Variants in HSD17B4 observed in about 807,000 individuals in gnomAD.
HSD17B4 encodes peroxisomal multifunctional enzyme type 2.
HSD17B4 carries 70 observed loss-of-function variants against 101.0 expected under a neutral mutation model. The observed-to-expected ratio is 0.69, with a 90% CI of 0.57 to 0.85. HSD17B4 has a LOEUF of 0.85. Ranked by LOEUF, HSD17B4 falls within the 40% of genes least tolerant of loss-of-function variation. The pLI is 0.00. For synonymous variants in HSD17B4, 347 were observed against 297.1 expected (o/e 1.17, Z -1.73); for missense variants, 984 against 892.4 (o/e 1.10, Z -1.31).
chr5:119,522,183 G>C (rs2126863132), intron 17 of HSD17B4, among the ~76,000 whole-genome samples: 1 of 152,186 alleles, frequency 6.6e-6, no homozygotes, highest in East Asian at 1.9e-4. Context: ...AGAACATGTG[G>C]TGTTTGGTTT....
At chr5:119,498,646 G>A (rs1190027086) in intron 12 of HSD17B4, among the ~76,000 whole-genome samples, 1 of 152,202 alleles carries the variant, frequency 6.6e-6, no homozygotes, top group Admixed American at 6.5e-5. Context: ...GGGAGGCCGA[G>A]GTGGGTGGAT....
intron 2 of HSD17B4, chr5:119,471,729 G>A: frequency 4.2e-6 from 5 of 1,201,886 alleles, no homozygotes; most frequent in Non-Finnish European, 5.8e-6. Context: ...GTTTTTCCAA[G>A]TTATTTGGCA....
rs142136525 is a variant in HSD17B4 at position 119,523,271 on chromosome 5, C to T, written c.1504-1945C>T. Reference sequence around the variant, plus strand: ...ATAGTTTACCTGTATGCAGATTATCCTCCCACCTACTTTTAATATGCAAAA... The same window carrying T: ...ATAGTTTACCTGTATGCAGATTATCTTCCCACCTACTTTTAATATGCAAAA... On this transcript the variant is annotated intron_variant, in intron 17 of 23. Transcript: ENST00000510025. Among the ~76,000 whole-genome samples the T allele has an allele frequency of 5.3e-3, 806 of 152,170 alleles. 11 individuals are homozygous for T. The highest frequency in any genetic ancestry group is 0.018 in the African/African-American group (762 of 41,520).
chr5:119,501,898 G>T, intron 13 of HSD17B4, 143 bp from the exon 14 acceptor site: 2 of 643,104 alleles, frequency 3.1e-6, no homozygotes, highest in South Asian at 2.0e-5. Flanking sequence ...ACATGATTAA[G>T]AAGAAGCCAA....
chr5:119,531,367 G>T lies in HSD17B4; in HGVS notation c.1956G>T (p.Trp652Cys), dbSNP rs775211111. 1.2e-6 allele frequency: 2 copies of T among 1,613,398 alleles called. No homozygotes were observed. Among genetic ancestry groups the T allele is most frequent in the Non-Finnish European group, 1.7e-6 (2 of 1,179,584 alleles). The change falls in exon 22 of 24, where the codon TGG (tryptophan) becomes TGT (cysteine). Residue 652 changes from tryptophan to cysteine, a missense_variant. Trp to Cys is a radical substitution (Grantham distance 215). Coordinates refer to ENST00000510025, the MANE Select transcript of HSD17B4 (RefSeq NM_000414.4). The part of the protein sequence containing the change: ...VVKKVNAVFE[W>C]HITKGGNIGA... Reference sequence around the variant, plus strand: ...AGAAAGTAAATGCTGTATTTGAGTGGCATATAACCAAAGGCGGAAATATTG... The same window carrying T: ...AGAAAGTAAATGCTGTATTTGAGTGTCATATAACCAAAGGCGGAAATATTG...
chr5:119,507,798 A>AAG (rs1751798346), intron 15 of HSD17B4, among the ~76,000 whole-genome samples: 1 of 150,308 alleles, frequency 6.7e-6, no homozygotes, highest in Non-Finnish European at 1.5e-5. Context: ...AAAAAAAAAA[A>AAG]TTTGTACATT....
chr5:119,485,250 G>A (rs937491111), intron 8 of HSD17B4, among the ~76,000 whole-genome samples: 1 of 152,118 alleles, frequency 6.6e-6, no homozygotes, highest in African/African-American at 2.4e-5. Context: ...ACGTTTTCAA[G>A]AAAGTACTTA....
At position 119,500,298 on chromosome 5, in the gene HSD17B4, G is replaced by GTA. The variant is rs548873075; in HGVS notation, c.1209+756_1209+757dup. On this transcript the variant is annotated intron_variant, in intron 13 of 23. Transcript: ENST00000510025. ...TGTTTGTTCTGGATAATTGGGATAT[G>GTA]TATATATATATAGAGAGAGAGATGG... Among the ~76,000 whole-genome samples, 117 of 151,166 alleles carry GTA rather than the reference G, an allele frequency of 7.7e-4. 4 individuals carry two copies. The South Asian group carries it at 0.019, about 24-fold the overall frequency.
intron 2 of HSD17B4, among the ~76,000 whole-genome samples, chr5:119,464,998 G>A (rs1293154954): frequency 6.6e-6 from 1 of 151,568 alleles, no homozygotes; most frequent in African/African-American, 2.4e-5. Flanking sequence ...GATCTTTTGT[G>A]GTTTCATGTG....
Position 119,473,954 on chromosome 5 carries a change from A to T in HSD17B4, c.159A>T (p.Leu53Phe). Reference sequence around the variant, plus strand: ...TCAAAGGAGTTGGTAAAGGCTCCTTAGCTGCTGATAAGGTTGTTGAAGAAA... The same window carrying T: ...TCAAAGGAGTTGGTAAAGGCTCCTTTGCTGCTGATAAGGTTGTTGAAGAAA... ...GDFKGVGKGS[L>F]AADKVVEEIR... Residue 53 changes from leucine to phenylalanine, a missense_variant, in exon 3 of 24, where the codon TTA becomes TTT. Coordinates refer to ENST00000510025, the MANE Select transcript of HSD17B4 (RefSeq NM_000414.4). The T allele has an allele frequency of 6.2e-7, 1 of 1,613,040 alleles. No individual in the cohort carries two copies.
At chr5:119,509,993 A>G (rs371960213) in intron 16 of HSD17B4, among the ~76,000 whole-genome samples, 5 of 152,236 alleles carry the variant, frequency 3.3e-5, no homozygotes, top group South Asian at 2.1e-4. Context: ...TTTTGACTGC[A>G]TAGTCAGTGC....
chr5:119,514,996 C>A lies in HSD17B4; in HGVS notation c.1453C>A (p.Pro485Thr). The stretch of plus-strand genomic sequence containing the variant: ...TTAATTTTAGGTAGCTGTAGCCATA[C>A]CTAATAGACCTCCTGATGCTGTACT... Reference protein sequence around the residue: ...SDKVKVAVAIPNRPPDAVLTD... With the variant: ...SDKVKVAVAITNRPPDAVLTD... Residue 485 changes from proline to threonine, a missense_variant, in exon 17 of 24, where the codon CCT becomes ACT. By Grantham distance (38) the Pro-to-Thr change is conservative (BLOSUM62 -1). Transcript: ENST00000510025. 6.4e-7 allele frequency: 1 copy of A among 1,567,962 alleles called. No homozygotes were observed. The highest frequency in any genetic ancestry group is 8.8e-7 in the Non-Finnish European group (1 of 1,138,232).
intron 17 of HSD17B4, among the ~76,000 whole-genome samples, chr5:119,517,622 A>G (rs529345048): frequency 7.2e-5 from 11 of 152,314 alleles, no homozygotes; most frequent in South Asian, 2.1e-4. Flanking sequence ...AAATACACCA[A>G]TGGGCACTCT....
At chr5:119,506,196 G>A (rs1751638284) in intron 14 of HSD17B4, among the ~76,000 whole-genome samples, 1 of 152,190 alleles carries the variant, frequency 6.6e-6, no homozygotes, top group Admixed American at 6.5e-5. Flanking sequence ...GCCCCGGTGT[G>A]TGATGTTCCC....
At chr5:119,496,328 T>G (rs1750646902) in intron 11 of HSD17B4, among the ~76,000 whole-genome samples, 1 of 152,234 alleles carries the variant, frequency 6.6e-6, no homozygotes, top group Non-Finnish European at 1.5e-5. Context: ...ATGTCTTGTA[T>G]TTCATTGAAG....
chr5:119,534,798 T>C (rs72561788), intron 22 of HSD17B4, among the ~76,000 whole-genome samples: 9 of 152,212 alleles, frequency 5.9e-5, no homozygotes, highest in Non-Finnish European at 1.3e-4. Context: ...GGTTACTCTC[T>C]ATTCCCAAAG....
intron 17 of HSD17B4, among the ~76,000 whole-genome samples, chr5:119,524,595 G>A (rs541005457): frequency 6.6e-6 from 1 of 152,212 alleles, no homozygotes; most frequent in African/African-American, 2.4e-5. Flanking sequence ...AAAGTATGGT[G>A]ACTTTTTCCC....
chr5:119,513,213 T>C (rs571101346), intron 16 of HSD17B4, among the ~76,000 whole-genome samples: 26 of 152,320 alleles, frequency 1.7e-4, no homozygotes, highest in African/African-American at 5.5e-4. Flanking sequence ...AAACATGCAG[T>C]GGCATTCTCT....
rs766978490 is a variant in HSD17B4, at chr5:119,452,776, A to G, written c.58+143A>G. The stretch of plus-strand genomic sequence containing the variant: ...GGAATGGTTATTCTTGAGGCACCGC[A>G]TCTCTTGAGGAGGAAAGAGCCGGAA... On this transcript the variant is annotated intron_variant, in intron 1 of 23. Transcript: ENST00000510025. 1.0e-5 allele frequency: 16 copies of G among 1,560,086 alleles called. No homozygotes were observed. The East Asian group carries it at 1.7e-4, about 16-fold the overall frequency.
Sources: gnomAD v4.1 joint callset for allele counts (sites outside exome capture counted in the v4.1 genomes callset) on GRCh38, gnomAD v4.1.1 for gene constraint, MANE v1.5 for transcripts, NCBI Gene and HGNC (gene_info 2026-07-23, HGNC 2026-07-21) for gene names.